Variants in MTTP observed in about 807,000 individuals in gnomAD.
The protein encoded by MTTP is microsomal triglyceride transfer protein large subunit.
MTTP carries 49 observed loss-of-function variants against 90.6 expected under a neutral mutation model. The observed-to-expected ratio is 0.54, with a 90% CI of 0.43 to 0.69. The LOEUF is 0.69. MTTP is among the 30% of genes least tolerant of loss of function. The pLI is 0.00. For missense variants in MTTP, 945 were observed against 1,067.5 expected (o/e 0.89, Z 1.60); for synonymous variants, 347 against 384.2 (o/e 0.90, Z 1.13).
At chr4:99,570,709 G>A (rs1724822609), upstream of MTTP, 2 of 455,724 alleles carry the variant, frequency 4.4e-6, no homozygotes, top group Non-Finnish European at 8.8e-6. Context: ...GGCAGGCCCA[G>A]TATAATCACA....
At chr4:99,621,486 A>T (rs1726232683) in intron 17 of MTTP, among the ~76,000 whole-genome samples, 1 of 152,206 alleles carries the variant, frequency 6.6e-6, no homozygotes, top group Non-Finnish European at 1.5e-5. Context: ...GAAACAATTT[A>T]TCCAGGAAAG....
intron 12 of MTTP, among the ~76,000 whole-genome samples, chr4:99,609,972 C>T (rs558215729): frequency 1.1e-4 from 17 of 152,140 alleles, no homozygotes; most frequent in Non-Finnish European, 2.2e-4. Flanking sequence ...TTCAGGGACC[C>T]GGAAAGAGGA....
intron 16 of MTTP, among the ~76,000 whole-genome samples, chr4:99,619,549 G>T (rs956812967): frequency 1.3e-5 from 2 of 152,070 alleles, no homozygotes; most frequent in African/African-American, 4.8e-5. Flanking sequence ...AATACTCTAA[G>T]CTCCTTTAAT....
At chr4:99,611,273 A>G (rs1725946479) in intron 13 of MTTP, 33 bp downstream of exon 13, 3 of 1,613,692 alleles carry the variant, frequency 1.9e-6, no homozygotes, top group Non-Finnish European at 1.7e-6. Flanking sequence ...CTCCTTCCAT[A>G]CCCCACAACT....
chr4:99,579,266 C>T (rs1344392896), intron 1 of MTTP, among the ~76,000 whole-genome samples: 3 of 152,192 alleles, frequency 2.0e-5, no homozygotes, highest in Non-Finnish European at 4.4e-5. Context: ...TCTATGGCAG[C>T]GTCCCATCTC....
In MTTP at chr4:99,581,954, G is replaced by A. The variant is rs147921439; in HGVS notation, c.111G>A (p.Thr37=). Residue 37 remains threonine (T), a synonymous_variant, in exon 2 of 18, where the codon ACG becomes ACA. Transcript: ENST00000265517. ...ATAATGACCGGCTGTACAAGCTCACGTACTCCACTGAAGTTCTTCTTGATC... is the reference window on the plus strand; with the variant it reads ...ATAATGACCGGCTGTACAAGCTCACATACTCCACTGAAGTTCTTCTTGATC... The part of the protein sequence containing the change: ...SLNNDRLYKL[T]YSTEVLLDRG... 7.5e-5 allele frequency: 121 copies of A among 1,614,104 alleles called. 1 individual carries two copies. The African/African-American group carries it at 9.1e-4, about 12-fold the overall frequency.
At chr4:99,603,535 C>T (rs1033938000) in intron 10 of MTTP, among the ~76,000 whole-genome samples, 1 of 152,020 alleles carries the variant, frequency 6.6e-6, no homozygotes, top group African/African-American at 2.4e-5. Context: ...TCAAGGGCCA[C>T]TTTATTTAGT....
intron 10 of MTTP, among the ~76,000 whole-genome samples, chr4:99,602,922 T>G (rs373518845): frequency 6.6e-6 from 1 of 152,152 alleles, no homozygotes; most frequent in Non-Finnish European, 1.5e-5. Flanking sequence ...TCCTAGTCTG[T>G]TTATCAAATA....
At chr4:99,581,350 A>G (rs17029163) in intron 1 of MTTP, among the ~76,000 whole-genome samples, 24,395 of 152,196 alleles carry the variant, frequency 0.16, 2,032 homozygotes, top group South Asian at 0.28. Context: ...AAAGTTACAT[A>G]TGTGCAACGC....
At chr4:99,577,941 T>A (rs748917076) in intron 1 of MTTP, among the ~76,000 whole-genome samples, 1 of 152,178 alleles carries the variant, frequency 6.6e-6, no homozygotes, top group Non-Finnish European at 1.5e-5. Context: ...TTAGTCAATT[T>A]TTATTAATCA....
upstream of MTTP, chr4:99,570,734 G>A (rs943755433): frequency 1.3e-4 from 61 of 455,764 alleles, no homozygotes; most frequent in African/African-American, 1.0e-3. Context: ...TTCATAAAAC[G>A]GAAGAGGGAG....
chr4:99,589,240 G>T (rs1008486589), intron 3 of MTTP, among the ~76,000 whole-genome samples: 2 of 150,444 alleles, frequency 1.3e-5, no homozygotes, highest in Non-Finnish European at 3.0e-5. Context: ...TTTCGTCCAA[G>T]AACTTTTTTA....
At chr4:99,571,786 T>A (rs895820349), upstream of MTTP, among the ~76,000 whole-genome samples, 1 of 151,950 alleles carries the variant, frequency 6.6e-6, no homozygotes, top group Non-Finnish European at 1.5e-5. Flanking sequence ...ACTTAAGAAA[T>A]TTTTTCAAGA....
chr4:99,622,529 C>A (rs1417903079), intron 17 of MTTP, 148 bp from the exon 18 acceptor site: 3 of 763,082 alleles, frequency 3.9e-6, no homozygotes, highest in Non-Finnish European at 6.7e-6. Flanking sequence ...AAGAAAATCA[C>A]CCATTCATGG....
At chr4:99,576,459 G>A (rs544136358) in intron 1 of MTTP, among the ~76,000 whole-genome samples, 7 of 152,074 alleles carry the variant, frequency 4.6e-5, no homozygotes, top group African/African-American at 1.7e-4. Context: ...ACTTTGGGAG[G>A]CCGAGGCGGG....
rs1355163243 is a variant in MTTP at position 99,621,251 on chromosome 4, T to C, written c.2513+20T>C. ...ATTCAGGTAAGATGCAGCGTTCAGG[T>C]CATGTTCCAGGACCATCCCCAGTGC... On this transcript the variant is annotated intron_variant, in intron 17 of 17. Transcript: ENST00000265517. 6.2e-7 allele frequency: 1 copy of C among 1,613,592 alleles called. No individual in the cohort carries two copies. The highest frequency in any genetic ancestry group is 8.5e-7 in the Non-Finnish European group (1 of 1,179,540).
chr4:99,604,008 AT>A (rs1156871317), intron 10 of MTTP, among the ~76,000 whole-genome samples: 1 of 151,918 alleles, frequency 6.6e-6, no homozygotes, highest in South Asian at 2.1e-4. Flanking sequence ...TTGAGCAAAC[AT>A]TTTTTTTCAT....
At chr4:99,590,934 A>G (rs934974555) in intron 4 of MTTP, among the ~76,000 whole-genome samples, 1 of 152,098 alleles carries the variant, frequency 6.6e-6, no homozygotes, top group Non-Finnish European at 1.5e-5. Flanking sequence ...CCATTTATCC[A>G]AAGTTTCAAT....
At position 99,611,341 on chromosome 4, in the gene MTTP, G is replaced by A. The variant is rs568076672; in HGVS notation, c.1877G>A (p.Arg626His). Residue 626 changes from arginine (R) to histidine (H), a missense_variant, in exon 14 of 18, where the codon CGT (arginine) becomes CAT (histidine). Arg to His is a conservative substitution (Grantham distance 29, BLOSUM62 0). Coordinates refer to ENST00000265517, the MANE Select transcript of MTTP (RefSeq NM_001386140.1). Reference sequence around the variant, plus strand: ...TATTGTGTGTCATCAGGTAGTCCCCGTTCGGCATCTACTTACAGCCTAGAC... The same window carrying A: ...TATTGTGTGTCATCAGGTAGTCCCCATTCGGCATCTACTTACAGCCTAGAC... Reference protein sequence around the residue: ...AYTGYIERSPRSASTYSLDIL... With the variant: ...AYTGYIERSPHSASTYSLDIL... 91 of 1,613,974 alleles carry A rather than the reference G, an allele frequency of 5.6e-5. No individual in the cohort carries two copies. In the South Asian group the frequency reaches 8.7e-4, roughly 15 times the overall value.
Sources: gnomAD v4.1 joint callset for allele counts (sites outside exome capture counted in the v4.1 genomes callset) on GRCh38, gnomAD v4.1.1 for gene constraint, MANE v1.5 for transcripts, NCBI Gene and HGNC (gene_info 2026-07-23, HGNC 2026-07-21) for gene names.